GRSF1: variants seen among roughly 807,000 people sequenced by gnomAD.
GRSF1 encodes the protein G-rich RNA sequence binding factor 1.
In GRSF1, 50 loss-of-function variants were observed where a neutral mutation model predicts 51.1. That is an observed-to-expected ratio of 0.98 (90% CI 0.78 to 1.24). GRSF1 has a LOEUF of 1.24. Among genes scored for constraint, GRSF1 ranks in the 50% most tolerant of loss-of-function variants. The pLI, the probability that GRSF1 is intolerant of heterozygous loss-of-function variation, is 0.00. For synonymous variants in GRSF1, 293 were observed against 253.3 expected, an observed-to-expected ratio of 1.16 and a Z score of -1.49; for missense variants, 700 against 639.7, an observed-to-expected ratio of 1.09 and a Z score of -1.02.
Position 70,815,804 on chromosome 4 carries a change from T to C in GRSF1, c.*5083A>G, listed in dbSNP as rs999874707. 2.6e-5 allele frequency: 4 copies of C among 152,340 alleles called. 1 individual carries two copies. The highest frequency in any genetic ancestry group is 6.5e-5 in the Admixed American group (1 of 15,302). 9.4% of individuals were successfully genotyped at this position (152,340 alleles called of 1,614,324 possible). On this transcript the variant is annotated 3_prime_UTR_variant, in exon 10 of 10. Coordinates refer to ENST00000254799, the MANE Select transcript of GRSF1 (RefSeq NM_002092.4). The stretch of plus-strand genomic sequence containing the variant: ...AAGGTTGTACATGTTCATACCAACT[T>C]TATTCATGATAGCCCCAAACTAGAA...
At position 70,839,540 on chromosome 4, in the gene GRSF1, G is replaced by A. The variant is rs1294349736; in HGVS notation, c.288C>T (p.Ala96=). The change falls in exon 1 of 10, where the codon GCC becomes GCT. Residue 96 remains alanine, a synonymous_variant. Transcript: ENST00000254799. ...ACTGCGGCAGCAGAGAGGCACGGAG[G>A]GCAGAGTAGGACGCGGCGGCCGCGG... ...AAAAAAASYS[A]LRASLLPQSL... 6 of 1,440,104 alleles carry A rather than the reference G, an allele frequency of 4.2e-6. No individual in the cohort carries two copies. Among genetic ancestry groups the A allele is most frequent in the Non-Finnish European group, 5.4e-6 (6 of 1,101,060 alleles). The allele number at this position is 1,440,104 out of a possible 1,614,324, so 89.2% of individuals were successfully genotyped here.
At chr4:70,840,527 C>T (rs940673732), upstream of GRSF1, among the ~76,000 whole-genome samples, 3 of 152,102 alleles carry the variant, frequency 2.0e-5, no homozygotes, top group East Asian at 1.9e-4. Context: ...TTTAGTAGGC[C>T]GAGGTAGGGC....
rs772360700 is a variant in GRSF1, at chr4:70,825,304, G to C, written c.1385C>G (p.Ser462Cys). 1.9e-6 allele frequency: 3 copies of C among 1,605,358 alleles called. No individual in the cohort carries two copies. The highest frequency in any genetic ancestry group is 1.7e-6 in the Non-Finnish European group (2 of 1,173,866). Residue 462 changes from serine to cysteine, a missense_variant, in exon 8 of 10, where the codon TCC becomes TGC. Coordinates refer to ENST00000254799, the MANE Select transcript of GRSF1 (RefSeq NM_002092.4). ...DAVAAMLKDR[S>C]HVHHRYIELF... ...CCAAAGGCAGGACTTACGAACGTGG[G>C]ACCGATCCTTGAGCATCGCTGCAAC...
In GRSF1 at chr4:70,827,834, G is replaced by A. The variant is rs774674292; in HGVS notation, c.1135+18C>T. The A allele has an allele frequency of 6.4e-7, 1 of 1,559,834 alleles. No individual in the cohort carries two copies. Among genetic ancestry groups the A allele is most frequent in the Non-Finnish European group, 8.7e-7 (1 of 1,143,726 alleles). ...TCAAGATAGACCCAATGAGTCTCAA[G>A]AAGAGGCAGGACCTTACCTATTTCC... is the stretch of plus-strand genomic sequence containing the variant. On this transcript the variant is annotated intron_variant, in intron 6 of 9. Transcript: ENST00000254799.
intron 5 of GRSF1, among the ~76,000 whole-genome samples, chr4:70,828,979 T>C (rs1386849568): frequency 2.6e-5 from 4 of 152,122 alleles, no homozygotes; most frequent in African/African-American, 7.2e-5. Flanking sequence ...CCTCAGGTGA[T>C]TCACCTGCCT....
intron 2 of GRSF1, among the ~76,000 whole-genome samples, chr4:70,834,970 G>T (rs541150556): frequency 6.6e-6 from 1 of 151,964 alleles, no homozygotes; most frequent in South Asian, 2.1e-4. Context: ...GTTGGCCCTG[G>T]TGTCTTCTTG....
chr4:70,827,963 C>A lies in GRSF1; in HGVS notation c.1024G>T (p.Ala342Ser), dbSNP rs759765732. The change falls in exon 6 of 10, where the codon GCA (alanine) becomes TCA (serine). Residue 342 changes from alanine (A) to serine (S), a missense_variant. Physicochemically the swap from Ala to Ser is moderately conservative, Grantham distance 99. Coordinates refer to ENST00000254799, the MANE Select transcript of GRSF1 (RefSeq NM_002092.4). ...HVGSYKGKKI[A>S]SFPTAKYITE... The stretch of plus-strand genomic sequence containing the variant: ...ATATACTTAGCAGTAGGAAAAGATG[C>A]GATTTTCTTTCCCTTATAAGAACCG... 18 of 1,611,468 alleles carry A rather than the reference C, an allele frequency of 1.1e-5. No individual in the cohort carries two copies. Among genetic ancestry groups the A allele is most frequent in the African/African-American group, 2.7e-5 (2 of 74,870 alleles).
upstream of GRSF1, among the ~76,000 whole-genome samples, chr4:70,840,966 T>C (rs115866448): frequency 2.8e-4 from 42 of 152,094 alleles, no homozygotes; most frequent in African/African-American, 1.0e-3. Context: ...CCCCCCGAAT[T>C]TGAGGTATGT....
intron 6 of GRSF1, 49 bp downstream of exon 6, chr4:70,827,803 A>C: frequency 7.2e-7 from 1 of 1,381,332 alleles, no homozygotes; most frequent in East Asian, 2.3e-5. Context: ...ACAAAACCCA[A>C]AACATTCAAG....
At chr4:70,835,488 A>T (rs34752596) in intron 2 of GRSF1, among the ~76,000 whole-genome samples, 1 of 143,398 alleles carries the variant, frequency 7.0e-6, no homozygotes, top group Admixed American at 6.8e-5. Flanking sequence ...ACAGAGTCTC[A>T]CTCTGTCGCC....
chr4:70,836,584 A>G (rs7671762), intron 1 of GRSF1, among the ~76,000 whole-genome samples: 125,678 of 152,112 alleles, frequency 0.83, 54,381 homozygotes, highest in Non-Finnish European at 0.95. Context: ...AGCTAACAAT[A>G]GTGTAGTTAA....
intron 5 of GRSF1, among the ~76,000 whole-genome samples, chr4:70,829,914 A>T (rs1453620798): frequency 6.6e-6 from 1 of 152,154 alleles, no homozygotes; most frequent in African/African-American, 2.4e-5. Context: ...GCCAGAAAAC[A>T]GTAAAAAAAA....
chr4:70,834,465 T>G (rs1305140466), intron 2 of GRSF1, among the ~76,000 whole-genome samples: 1 of 152,168 alleles, frequency 6.6e-6, no homozygotes, highest in Non-Finnish European at 1.5e-5. Flanking sequence ...TATGTATATA[T>G]TAATACCACA....
In GRSF1 at chr4:70,828,011, T is replaced by C. The variant is rs1188870604; in HGVS notation, c.976A>G (p.Arg326Gly). 1.2e-6 allele frequency: 2 copies of C among 1,613,370 alleles called. No homozygotes were observed. Among genetic ancestry groups the C allele is most frequent in the Non-Finnish European group, 1.7e-6 (2 of 1,179,648 alleles). Residue 326 changes from arginine to glycine, a missense_variant, in exon 6 of 10, where the codon AGG becomes GGG. By Grantham distance (125) the Arg-to-Gly change is moderately radical (BLOSUM62 -2). Transcript: ENST00000254799. ...CCGACATGTGTTCGAACTTCATTCCTTCTGCTTGGAAATATCTCGATGTAT... is the reference window on the plus strand; with the variant it reads ...CCGACATGTGTTCGAACTTCATTCCCTCTGCTTGGAAATATCTCGATGTAT... ...NRYIEIFPSR[R>G]NEVRTHVGSY...
rs1247969428 is a variant in GRSF1, at chr4:70,818,048, TTTTTGA to T, written c.*2833_*2838del. ...CAATGGAGTTTTTTGTATTTTGGTTTTTTTGATTTTGACAGAGTCTCACTCTGTTGC... is the reference window on the plus strand; with the variant it reads ...CAATGGAGTTTTTTGTATTTTGGTTTTTTTGACAGAGTCTCACTCTGTTGC... On this transcript the variant is annotated 3_prime_UTR_variant, in exon 10 of 10. Transcript: ENST00000254799. 1.3e-5 allele frequency: 2 copies of T among 152,272 alleles called. No homozygotes were observed. Among genetic ancestry groups the T allele is most frequent in the Non-Finnish European group, 2.9e-5 (2 of 68,112 alleles). The allele number at this position is 152,272 out of a possible 1,614,324, so 9.4% of individuals were successfully genotyped here.
upstream of GRSF1, chr4:70,839,930 A>C (rs1279649178): frequency 7.1e-6 from 7 of 989,596 alleles, no homozygotes; most frequent in Admixed American, 4.0e-5. Flanking sequence ...TGCCTGGCAC[A>C]TGCGCCGCGG....
At position 70,839,875 on chromosome 4, in the gene GRSF1, A is replaced by C; in HGVS notation, c.-48T>G. 2.1e-6 allele frequency: 3 copies of C among 1,412,512 alleles called. No individual in the cohort carries two copies. Among genetic ancestry groups the C allele is most frequent in the Non-Finnish European group, 2.8e-6 (3 of 1,089,328 alleles). 87.5% of individuals were successfully genotyped at this position (1,412,512 alleles called of 1,614,324 possible). A position where few individuals can be genotyped will look rare whatever the true frequency, so the allele number is the denominator to read the frequency against. ...CCTGAAGGCAGCTGCTCCAGCAGCG[A>C]TGGTGGAACGGAAGTGGAATCCAGG... is the stretch of plus-strand genomic sequence containing the variant. On this transcript the variant is annotated 5_prime_UTR_variant, in exon 1 of 10. Coordinates refer to ENST00000254799, the MANE Select transcript of GRSF1 (RefSeq NM_002092.4).
In GRSF1 at chr4:70,825,427, A is replaced by C. The variant is rs762608883; in HGVS notation, c.1262T>G (p.Phe421Cys). 2 of 1,607,414 alleles carry C rather than the reference A, an allele frequency of 1.2e-6. No homozygotes were observed. Among genetic ancestry groups the C allele is most frequent in the Admixed American group, 3.4e-5 (2 of 59,562 alleles). ...QANAQDIINF[F>C]APLKPVRITM... The stretch of plus-strand genomic sequence containing the variant: ...GATTCTAACAGGCTTGAGTGGAGCA[A>C]AAAACTAAACGACAAACAAAGGCAG... Residue 421 changes from phenylalanine (F) to cysteine (C), a missense_variant, in exon 8 of 10, where the codon TTT becomes TGT. Coordinates refer to ENST00000254799, the MANE Select transcript of GRSF1 (RefSeq NM_002092.4).
intron 1 of GRSF1, chr4:70,839,255 C>A: frequency 6.8e-7 from 1 of 1,481,010 alleles, no homozygotes; most frequent in Non-Finnish European, 9.0e-7. Flanking sequence ...AGACTCGAGG[C>A]GAGAACAAAA....
Sources: gnomAD v4.1 joint callset for allele counts (sites outside exome capture counted in the v4.1 genomes callset) on GRCh38, gnomAD v4.1.1 for gene constraint, MANE v1.5 for transcripts, NCBI Gene and HGNC (gene_info 2026-07-23, HGNC 2026-07-21) for gene names.